Variants in UTRN observed in about 807,000 individuals in gnomAD.
The protein encoded by UTRN is utrophin, also known as dystrophin-related protein 1.
UTRN carries 283 observed loss-of-function variants against 463.9 expected under a neutral mutation model. The ratio of observed to expected loss-of-function variants is 0.61; its 90% CI spans 0.55 to 0.67. The LOEUF (loss-of-function observed/expected upper bound fraction) is 0.67, where lower values mean the gene tolerates loss of function less well. Ranked by LOEUF, UTRN falls within the 30% of genes least tolerant of loss-of-function variation. The pLI, the probability that UTRN is intolerant of heterozygous loss-of-function variation, is 0.00. For synonymous variants in UTRN, 1,442 were observed against 1,431.5 expected, an observed-to-expected ratio of 1.01 and a Z score of -0.17; for missense variants, 3,922 against 4,084.3, an observed-to-expected ratio of 0.96 and a Z score of 1.08.
intron 1 of UTRN, among the ~76,000 whole-genome samples, chr6:144,289,000 G>A (rs533371184): frequency 4.4e-4 from 67 of 152,242 alleles, no homozygotes; most frequent in African/African-American, 1.5e-3. Flanking sequence ...TTGACCTCAA[G>A]TGTTAGCCAG....
chr6:144,386,429 A>C lies in UTRN; in HGVS notation c.80-16694A>C, dbSNP rs1380077264. Among the ~76,000 whole-genome samples, 5 of 152,328 alleles carry C rather than the reference A, an allele frequency of 3.3e-5. No homozygotes were observed. The East Asian group carries it at 9.6e-4, about 29-fold the overall frequency. ...AGCCGTGATCATACTACTGCACTCAAGCCTAGGTGACAGAGTGAGACTCTG... is the reference window on the plus strand; with the variant it reads ...AGCCGTGATCATACTACTGCACTCACGCCTAGGTGACAGAGTGAGACTCTG... On this transcript the variant is annotated intron_variant, in intron 2 of 74. Coordinates refer to ENST00000367545, the MANE Select transcript of UTRN (RefSeq NM_007124.3).
At chr6:144,805,976 T>C (rs1048784150) in intron 65 of UTRN, among the ~76,000 whole-genome samples, 2 of 152,116 alleles carry the variant, frequency 1.3e-5, no homozygotes, top group Non-Finnish European at 2.9e-5. Context: ...TGGGGGAAAA[T>C]ATCATAGTAA....
chr6:144,728,930 T>C (rs1346211393), intron 53 of UTRN, among the ~76,000 whole-genome samples: 1 of 152,178 alleles, frequency 6.6e-6, no homozygotes. Context: ...CCTCCCCACC[T>C]GTGAGGGTTA....
intron 2 of UTRN, among the ~76,000 whole-genome samples, chr6:144,302,414 G>A (rs1805363662): frequency 6.6e-6 from 1 of 151,226 alleles, no homozygotes; most frequent in Non-Finnish European, 1.5e-5. Flanking sequence ...GGGAGGCTGA[G>A]GCAGGAGAAT....
intron 69 of UTRN, among the ~76,000 whole-genome samples, chr6:144,830,704 A>ATTTGTTTTTTGTTT (rs140423388): frequency 6.7e-5 from 10 of 148,320 alleles, no homozygotes; most frequent in Non-Finnish European, 1.5e-5. Context: ...TTTGTCTGTG[A>ATTTGTTTTTTGTTT]TTTGTTTTTT....
chr6:144,428,783 A>T lies in UTRN; in HGVS notation c.584A>T (p.Asp195Val). 6.3e-7 allele frequency: 1 copy of T among 1,594,566 alleles called. No homozygotes were observed. The highest frequency in any genetic ancestry group is 8.5e-7 in the Non-Finnish European group (1 of 1,170,306). ...TTTATTTGCATGGTTTTCAGACCTG[A>T]TCTCTTCAGCTGGGATAAAGTTGTC... ...FNAVLHRHKP[D>V]LFSWDKVVKM... The change falls in exon 8 of 75, where the codon GAT becomes GTT. Residue 195 changes from aspartate (D) to valine (V), a missense_variant. By Grantham distance (152) the Asp-to-Val change is radical. Transcript: ENST00000367545.
At chr6:144,676,377 T>A (rs1305163292) in intron 51 of UTRN, among the ~76,000 whole-genome samples, 1 of 152,150 alleles carries the variant, frequency 6.6e-6, no homozygotes, top group Non-Finnish European at 1.5e-5. Flanking sequence ...CCATTTTAAA[T>A]CAGATAACTT....
At chr6:144,569,004 A>G (rs1400639921) in intron 50 of UTRN, among the ~76,000 whole-genome samples, 4 of 152,126 alleles carry the variant, frequency 2.6e-5, no homozygotes, top group African/African-American at 7.2e-5. Flanking sequence ...CTGAGACTCT[A>G]ATTTCAGTGA....
chr6:144,563,272 TTTG>T (rs1459654850), intron 50 of UTRN, among the ~76,000 whole-genome samples: 1 of 152,150 alleles, frequency 6.6e-6, no homozygotes, highest in Non-Finnish European at 1.5e-5. Context: ...TCCAAGTAAT[TTTG>T]TTGTATATTT....
chr6:144,684,437 A>C (rs1446640244), intron 52 of UTRN, among the ~76,000 whole-genome samples: 2 of 151,976 alleles, frequency 1.3e-5, no homozygotes, highest in Non-Finnish European at 2.9e-5. Context: ...TTTGATTTCC[A>C]AGTTTCTTTT....
chr6:144,322,731 G>A (rs1052592124), intron 2 of UTRN, among the ~76,000 whole-genome samples: 1 of 152,176 alleles, frequency 6.6e-6, no homozygotes, highest in Non-Finnish European at 1.5e-5. Context: ...GAGGTCAGGA[G>A]ATCGAGACCA....
intron 61 of UTRN, 66 bp from the exon 62 acceptor site, chr6:144,789,128 G>C: frequency 7.9e-7 from 1 of 1,273,140 alleles, no homozygotes; most frequent in Non-Finnish European, 1.1e-6. Flanking sequence ...TAGATATTCA[G>C]AAACAATGAA....
intron 17 of UTRN, 151 bp downstream of exon 17, chr6:144,448,920 G>A (rs1787969713): frequency 3.3e-6 from 3 of 905,030 alleles, no homozygotes; most frequent in Admixed American, 6.4e-5. Context: ...ACCACTCACT[G>A]CCCCTGTCTT....
At chr6:144,486,050 G>T (rs546051472) in intron 28 of UTRN, among the ~76,000 whole-genome samples, 5 of 152,186 alleles carry the variant, frequency 3.3e-5, no homozygotes, top group Admixed American at 6.5e-5. Flanking sequence ...TCAGTTCCCA[G>T]CACAGTGTGT....
chr6:144,584,262 AT>A (rs1423098736), intron 51 of UTRN, among the ~76,000 whole-genome samples: 2 of 152,058 alleles, frequency 1.3e-5, no homozygotes, highest in East Asian at 3.8e-4. Flanking sequence ...CAGCTGCTGT[AT>A]TTTTTTAAGT....
chr6:144,838,150 G>A (rs1366640493), intron 71 of UTRN, among the ~76,000 whole-genome samples: 1 of 152,182 alleles, frequency 6.6e-6, no homozygotes, highest in African/African-American at 2.4e-5. Flanking sequence ...ATTTGCCATG[G>A]CTGGTTGATG....
intron 2 of UTRN, among the ~76,000 whole-genome samples, chr6:144,397,570 G>A (rs1477242377): frequency 1.3e-5 from 2 of 152,040 alleles, no homozygotes; most frequent in Admixed American, 6.6e-5. Flanking sequence ...GACATCATTA[G>A]ATGTTATAGC....
At chr6:144,736,802 T>C (rs1006234838) in intron 54 of UTRN, among the ~76,000 whole-genome samples, 1 of 152,306 alleles carries the variant, frequency 6.6e-6, no homozygotes, top group African/African-American at 2.4e-5. Context: ...CACTCCACTC[T>C]TGAGGTTTGC....
chr6:144,766,117 ACACACC>A (rs1392058021), intron 58 of UTRN, among the ~76,000 whole-genome samples: 9 of 152,058 alleles, frequency 5.9e-5, no homozygotes, highest in East Asian at 1.9e-4. Context: ...ACAGACACAC[ACACACC>A]CACACCCACA....
Sources: gnomAD v4.1 joint callset for allele counts (sites outside exome capture counted in the v4.1 genomes callset) on GRCh38, gnomAD v4.1.1 for gene constraint, MANE v1.5 for transcripts, NCBI Gene and HGNC (gene_info 2026-07-23, HGNC 2026-07-21) for gene names.